Variants in CC2D2A observed in about 807,000 individuals in gnomAD.
CC2D2A encodes coiled-coil and C2 domain containing 2A, also known as coiled-coil and C2 domain-containing protein 2A.
In CC2D2A, 155 loss-of-function variants were observed where a neutral mutation model predicts 212.9. That is an observed-to-expected ratio of 0.73 (90% CI 0.64 to 0.83). CC2D2A has a LOEUF of 0.83. Ranked by LOEUF, CC2D2A falls within the 40% of genes least tolerant of loss-of-function variation. The pLI is 0.00. For missense variants in CC2D2A, 1,856 were observed against 1,956.2 expected (o/e 0.95, Z 0.97); for synonymous variants, 667 against 686.5 (o/e 0.97, Z 0.44).
chr4:15,565,399 GTTT>G (rs11445564), intron 24 of CC2D2A, among the ~76,000 whole-genome samples: 6 of 140,316 alleles, frequency 4.3e-5, no homozygotes, highest in South Asian at 2.3e-4. Flanking sequence ...TCCACATACG[GTTT>G]TTTTTTTTTT....
chr4:15,475,840 C>T, intron 1 of CC2D2A, 75 bp from the exon 2 acceptor site: 2 of 1,212,284 alleles, frequency 1.6e-6, no homozygotes, highest in South Asian at 2.6e-5. Context: ...TGGCCAGCCT[C>T]TTACATATCC....
chr4:15,483,380 A>C (rs1714806268), intron 4 of CC2D2A, among the ~76,000 whole-genome samples: 1 of 152,210 alleles, frequency 6.6e-6, no homozygotes, highest in Non-Finnish European at 1.5e-5. Context: ...GGAAACACAC[A>C]GATGTATGTG....
In CC2D2A at chr4:15,574,903, T is replaced by C. The variant is rs183075403; in HGVS notation, c.3771+577T>C. Among the ~76,000 whole-genome samples, 28 of 152,380 alleles carry C rather than the reference T, an allele frequency of 1.8e-4. No individual in the cohort carries two copies. In the East Asian group the frequency reaches 5.2e-3, roughly 28 times the overall value. ...GTTAGCAACTGTCCCTGAACCTTCA[T>C]TAAACCTATTTATGCCTAGTGTTCC... is the stretch of plus-strand genomic sequence containing the variant. On this transcript the variant is annotated intron_variant, in intron 29 of 36. Transcript: ENST00000424120.
chr4:15,594,582 C>G (rs1721236619), intron 33 of CC2D2A, among the ~76,000 whole-genome samples: 1 of 152,054 alleles, frequency 6.6e-6, no homozygotes, highest in Non-Finnish European at 1.5e-5. Flanking sequence ...GCACACAAAG[C>G]CTCTTAAGGG....
chr4:15,541,680 T>C (rs941687530), intron 17 of CC2D2A, among the ~76,000 whole-genome samples: 10 of 152,020 alleles, frequency 6.6e-5, no homozygotes, highest in African/African-American at 2.4e-4. Context: ...AACAGAGAAA[T>C]CAATTATGCC....
intron 4 of CC2D2A, among the ~76,000 whole-genome samples, chr4:15,484,023 CG>C (rs1714856677): frequency 7.2e-5 from 11 of 151,996 alleles, no homozygotes; most frequent in Admixed American, 7.2e-4. Flanking sequence ...TAATAGATTG[CG>C]TGAACACTGC....
At position 15,601,504 on chromosome 4, in the gene CC2D2A, C is replaced by A; in HGVS notation, c.*79C>A. Reference sequence around the variant, plus strand: ...AAATTTTAAATTATATGCATCACATCAGAAGAACATATTATTGGCAAATAA... The same window carrying A: ...AAATTTTAAATTATATGCATCACATAAGAAGAACATATTATTGGCAAATAA... On this transcript the variant is annotated 3_prime_UTR_variant, in exon 37 of 37. Coordinates refer to ENST00000424120, the MANE Select transcript of CC2D2A (RefSeq NM_001378615.1). 3.7e-6 allele frequency: 3 copies of A among 821,630 alleles called. No homozygotes were observed. Among genetic ancestry groups the A allele is most frequent in the Non-Finnish European group, 5.4e-6 (3 of 554,358 alleles). 50.9% of individuals were successfully genotyped at this position (821,630 alleles called of 1,614,324 possible). A position where few individuals can be genotyped will look rare whatever the true frequency, so the allele number is the denominator to read the frequency against.
chr4:15,508,425 C>CA (rs1261499736), intron 6 of CC2D2A, among the ~76,000 whole-genome samples: 3 of 151,256 alleles, frequency 2.0e-5, no homozygotes, highest in African/African-American at 7.3e-5. Flanking sequence ...AACTATAGAC[C>CA]AAAAAAAAGA....
At chr4:15,479,868 G>A (rs753500387) in intron 3 of CC2D2A, among the ~76,000 whole-genome samples, 1 of 152,186 alleles carries the variant, frequency 6.6e-6, no homozygotes, top group Non-Finnish European at 1.5e-5. Flanking sequence ...AGCTTAGACT[G>A]AAGAGGAGAA....
intron 6 of CC2D2A, among the ~76,000 whole-genome samples, 189 bp downstream of exon 6, chr4:15,503,112 C>T (rs1490852838): frequency 1.3e-5 from 2 of 151,782 alleles, no homozygotes; most frequent in African/African-American, 2.4e-5. Flanking sequence ...GCCTGGGCAA[C>T]AGAGCAAGAC....
chr4:15,520,761 A>C (rs1487352269), intron 11 of CC2D2A, among the ~76,000 whole-genome samples: 1 of 152,144 alleles, frequency 6.6e-6, no homozygotes, highest in Non-Finnish European at 1.5e-5. Context: ...TGGTGTATTT[A>C]CCAGGTGGAA....
At chr4:15,556,275 T>C (rs1719276207) in intron 20 of CC2D2A, among the ~76,000 whole-genome samples, 1 of 152,208 alleles carries the variant, frequency 6.6e-6, no homozygotes, top group Non-Finnish European at 1.5e-5. Flanking sequence ...TGTTTATCAA[T>C]AGGATAATTG....
chr4:15,573,227 CTG>C (rs1415388073), intron 28 of CC2D2A, among the ~76,000 whole-genome samples: 1 of 152,208 alleles, frequency 6.6e-6, no homozygotes, highest in African/African-American at 2.4e-5. Context: ...ACATTCCTTC[CTG>C]TGTCATCTAT....
At chr4:15,586,951 C>T (rs1012577575) in intron 31 of CC2D2A, among the ~76,000 whole-genome samples, 3 of 152,124 alleles carry the variant, frequency 2.0e-5, no homozygotes, top group Non-Finnish European at 2.9e-5. Context: ...TAAATGTTGA[C>T]AATTTTAGAG....
At chr4:15,511,103 C>G in intron 7 of CC2D2A, 144 bp from the exon 8 acceptor site, 1 of 878,538 alleles carries the variant, frequency 1.1e-6, no homozygotes, top group Non-Finnish European at 1.6e-6. Context: ...TACCAGTAGT[C>G]TCACACCTTT....
intron 14 of CC2D2A, among the ~76,000 whole-genome samples, chr4:15,535,545 C>T: frequency 6.6e-6 from 1 of 151,974 alleles, no homozygotes; most frequent in East Asian, 1.9e-4. Context: ...AAAAACTATT[C>T]AAGTTTATTC....
At chr4:15,480,623 C>T in intron 3 of CC2D2A, 81 bp from the exon 4 acceptor site, 2 of 1,486,484 alleles carry the variant, frequency 1.3e-6, no homozygotes, top group Admixed American at 2.1e-5. Context: ...TGTCCCCTCA[C>T]TGGTGACCCA....
Position 15,601,432 on chromosome 4 carries a change from TC to T in CC2D2A, c.*8del. On this transcript the variant is annotated 3_prime_UTR_variant, in exon 37 of 37. Transcript: ENST00000424120. ...TCTTATACGCAACAGGTAATTTTTT[TC>T]ACTGTACTTTCTGTATCATGTAAAA... is the stretch of plus-strand genomic sequence containing the variant. 1 of 1,458,188 alleles carries T rather than the reference TC, an allele frequency of 6.9e-7. No homozygotes were observed. The highest frequency in any genetic ancestry group is 9.1e-7 in the Non-Finnish European group (1 of 1,098,452). The allele number at this position is 1,458,188 out of a possible 1,614,324, so 90.3% of individuals were successfully genotyped here. A position where few individuals can be genotyped will look rare whatever the true frequency, so the allele number is the denominator to read the frequency against.
At chr4:15,577,342 A>G (rs1409295568) in intron 29 of CC2D2A, among the ~76,000 whole-genome samples, 1 of 152,158 alleles carries the variant, frequency 6.6e-6, no homozygotes, top group South Asian at 2.1e-4. Context: ...TTTTTTATAA[A>G]TGTTTACATT....
Sources: allele counts gnomAD v4.1 joint callset (sites outside exome capture counted in the v4.1 genomes callset), GRCh38; gene constraint gnomAD v4.1.1; transcripts MANE v1.5; gene names NCBI Gene and HGNC (gene_info 2026-07-23, HGNC 2026-07-21).